The following RNF170 variants were observed in gnomAD, a reference collection of about 807,000 sequenced individuals.
RNF170 encodes the protein ring finger protein 170.
RNF170 carries 12 observed loss-of-function variants against 32.7 expected under a neutral mutation model. That is an observed-to-expected ratio of 0.37 (90% CI 0.24 to 0.60). The LOEUF (loss-of-function observed/expected upper bound fraction) is 0.60. Among genes scored for constraint, RNF170 ranks in the 20% least tolerant of loss-of-function variants. The pLI is 0.72. For missense variants in RNF170, 212 were observed against 311.2 expected, an observed-to-expected ratio of 0.68 and a Z score of 2.40; for synonymous variants, 91 against 103.6, an observed-to-expected ratio of 0.88 and a Z score of 0.74.
intron 1 of RNF170, chr8:42,889,368 A>T (rs1806104898): frequency 2.0e-5 from 3 of 151,592 alleles, no homozygotes; most frequent in South Asian, 4.1e-4. Context: ...CAGGTAATTC[A>T]CATTTTTTTC....
chr8:42,862,934 G>A (rs1287984488), intron 5 of RNF170, among the ~76,000 whole-genome samples: 1 of 152,202 alleles, frequency 6.6e-6, no homozygotes, highest in African/African-American at 2.4e-5. Context: ...TGGGGCAGGT[G>A]CAAGAATGCT....
At chr8:42,875,111 C>T (rs1804821066) in intron 2 of RNF170, among the ~76,000 whole-genome samples, 1 of 146,860 alleles carries the variant, frequency 6.8e-6, no homozygotes, top group African/African-American at 2.5e-5. Flanking sequence ...GTGGAGGTTG[C>T]GGTGATCTGA....
chr8:42,850,392 A>G, downstream of RNF170: 1 of 240,778 alleles, frequency 4.2e-6, no homozygotes, highest in South Asian at 5.6e-5. Flanking sequence ...GACTGCCTGG[A>G]AGGTCGCTGT....
chr8:42,867,700 C>T (rs375524971), intron 4 of RNF170, among the ~76,000 whole-genome samples: 2 of 128,544 alleles, frequency 1.6e-5, no homozygotes, highest in Admixed American at 9.0e-5. Context: ...GGTGTGAACC[C>T]GGGAGGCGGA....
intron 1 of RNF170, among the ~76,000 whole-genome samples, chr8:42,890,063 C>T (rs1465281345): frequency 1.3e-5 from 2 of 152,068 alleles, no homozygotes; most frequent in African/African-American, 2.4e-5. Flanking sequence ...TCAACAAATG[C>T]ATTGTAATTA....
rs1373523152 is a variant in RNF170 at position 42,855,955 on chromosome 8, A to C, written c.*204T>G. ...TACAACTGTAGATCATTATAATTCT[A>C]AACTTAATATTAGAACTTCAAACAT... is the stretch of plus-strand genomic sequence containing the variant. On this transcript the variant is annotated 3_prime_UTR_variant, in exon 7 of 7. Coordinates refer to ENST00000527424, the MANE Select transcript of RNF170 (RefSeq NM_030954.4). The C allele has an allele frequency of 7.2e-7, 1 of 1,382,530 alleles. No individual in the cohort carries two copies. Among genetic ancestry groups the C allele is most frequent in the Non-Finnish European group, 9.6e-7 (1 of 1,040,184 alleles). 85.6% of individuals were successfully genotyped at this position (1,382,530 alleles called of 1,614,324 possible). A position where few individuals can be genotyped will look rare whatever the true frequency, so the allele number is the denominator to read the frequency against.
At position 42,855,942 on chromosome 8, in the gene RNF170, T is replaced by A. The variant is rs1026665320; in HGVS notation, c.*217A>T. The stretch of plus-strand genomic sequence containing the variant: ...CATAGAATCAAGATACAACTGTAGA[T>A]CATTATAATTCTAAACTTAATATTA... On this transcript the variant is annotated 3_prime_UTR_variant, in exon 7 of 7. Coordinates refer to ENST00000527424, the MANE Select transcript of RNF170 (RefSeq NM_030954.4). The A allele has an allele frequency of 5.2e-6, 7 of 1,342,190 alleles. No homozygotes were observed. In the Admixed American group the frequency reaches 1.5e-4, roughly 30 times the overall value. The allele number at this position is 1,342,190 out of a possible 1,614,324, so 83.1% of individuals were successfully genotyped here.
chr8:42,868,848 T>C (rs568389600), intron 4 of RNF170, among the ~76,000 whole-genome samples: 187 of 148,528 alleles, frequency 1.3e-3, no homozygotes, highest in African/African-American at 4.5e-3. Context: ...CGAGACTGCA[T>C]TTCAAAAAAA....
At chr8:42,871,087 G>C (rs540953839) in intron 3 of RNF170, among the ~76,000 whole-genome samples, 3 of 152,128 alleles carry the variant, frequency 2.0e-5, no homozygotes, top group African/African-American at 7.2e-5. Context: ...GCGCACACCT[G>C]TAGTCCCAGC....
intron 6 of RNF170, 106 bp from the exon 7 acceptor site, chr8:42,856,534 A>T: frequency 6.2e-6 from 5 of 801,136 alleles, no homozygotes; most frequent in Non-Finnish European, 1.0e-5. Context: ...TGAATTAAGG[A>T]GTTACACATT....
downstream of RNF170, chr8:42,850,883 G>A (rs1429171044): frequency 8.4e-6 from 13 of 1,551,586 alleles, no homozygotes; most frequent in Admixed American, 9.8e-5. Flanking sequence ...TGGGGTATAT[G>A]CTGAGGCCCT....
intron 1 of RNF170, chr8:42,896,074 C>A (rs767032411): frequency 4.8e-6 from 1 of 207,648 alleles, no homozygotes; most frequent in Non-Finnish European, 1.0e-5. Flanking sequence ...CCAGAACGAT[C>A]CGCCTCGCCA....
chr8:42,896,476 G>C lies in RNF170; in HGVS notation c.-8+8C>G, dbSNP rs773289369. 6.6e-6 allele frequency: 3 copies of C among 453,796 alleles called. No homozygotes were observed. The highest frequency in any genetic ancestry group is 3.1e-5 in the South Asian group (2 of 64,460). 28.1% of individuals were successfully genotyped at this position (453,796 alleles called of 1,614,324 possible). ...AGGGTGGGCGTGGCCGCCGCGCGCC[G>C]GACGTACCTCTCCACCGCGAAGGAA... On this transcript the variant is annotated splice_region_variant and intron_variant, in intron 1 of 6. Coordinates refer to ENST00000527424, the MANE Select transcript of RNF170 (RefSeq NM_030954.4).
intron 2 of RNF170, among the ~76,000 whole-genome samples, chr8:42,885,507 A>C (rs1805743329): frequency 6.6e-6 from 1 of 152,128 alleles, no homozygotes; most frequent in African/African-American, 2.4e-5. Context: ...CAACTGTACC[A>C]TTTTATACTC....
intron 2 of RNF170, among the ~76,000 whole-genome samples, chr8:42,877,024 G>A (rs1035295476): frequency 6.8e-6 from 1 of 146,524 alleles, no homozygotes; most frequent in Non-Finnish European, 1.5e-5. Flanking sequence ...CGCCATCTCA[G>A]CTCACTGTAA....
chr8:42,873,818 G>C (rs1804703322), intron 3 of RNF170, 113 bp downstream of exon 3: 1 of 708,980 alleles, frequency 1.4e-6, no homozygotes, highest in African/African-American at 1.8e-5. Flanking sequence ...AAGGTAATTT[G>C]AAGCTGGAAA....
In RNF170 at chr8:42,880,164, C is replaced by T. The variant is rs138674242; in HGVS notation, c.138-6158G>A. ...GGAGGCCGAAGATGTGACCAAACTG[C>T]TGCATCATGACAATACTTGATCAGA... On this transcript the variant is annotated intron_variant, in intron 2 of 6. Transcript: ENST00000527424. Among the ~76,000 whole-genome samples, 1,095 of 152,290 alleles carry T rather than the reference C, an allele frequency of 7.2e-3. 8 individuals carry two copies. Among genetic ancestry groups the T allele is most frequent in the Non-Finnish European group, 0.012 (797 of 68,032 alleles).
chr8:42,873,305 A>C lies in RNF170; in HGVS notation c.213+626T>G, dbSNP rs879525981. 1.9e-4 allele frequency among the ~76,000 whole-genome samples: 29 copies of C among 152,200 alleles called. 1 individual carries two copies. Among genetic ancestry groups the C allele is most frequent in the Middle Eastern group, 6.8e-3 (2 of 294 alleles). ...TGTCTCTTTTTTACAAAAAAAAAAA[A>C]AAACGCTTATTGGAACTGAAGTTTG... On this transcript the variant is annotated intron_variant, in intron 3 of 6. Coordinates refer to ENST00000527424, the MANE Select transcript of RNF170 (RefSeq NM_030954.4).
At chr8:42,850,999 T>G, downstream of RNF170, 1 of 1,551,054 alleles carries the variant, frequency 6.4e-7, no homozygotes, top group Non-Finnish European at 8.7e-7. Context: ...TGATGAACCC[T>G]ACACACGGTA....
Sources: allele counts gnomAD v4.1 joint callset (sites outside exome capture counted in the v4.1 genomes callset), GRCh38; gene constraint gnomAD v4.1.1; transcripts MANE v1.5; gene names NCBI Gene and HGNC (gene_info 2026-07-23, HGNC 2026-07-21).